PCDHA11: variants seen among roughly 807,000 people sequenced by gnomAD.
The protein encoded by PCDHA11 is protocadherin alpha 11.
PCDHA11 carries 61 observed loss-of-function variants against 70.3 expected under a neutral mutation model. The observed-to-expected ratio is 0.87, with a 90% CI of 0.71 to 1.07. The LOEUF (loss-of-function observed/expected upper bound fraction) is 1.07, where lower values mean the gene tolerates loss of function less well. Among genes scored for constraint, PCDHA11 ranks in the 50% least tolerant of loss-of-function variants. The pLI is 0.00. For synonymous variants in PCDHA11, 633 were observed against 555.1 expected, an observed-to-expected ratio of 1.14 and a Z score of -1.97; for missense variants, 1,324 against 1,237.5, an observed-to-expected ratio of 1.07 and a Z score of -1.05.
intron 1 of PCDHA11, among the ~76,000 whole-genome samples, chr5:140,872,240 T>A (rs2053559781): frequency 6.6e-6 from 1 of 152,178 alleles, no homozygotes; most frequent in Non-Finnish European, 1.5e-5. Flanking sequence ...TTGTCTTTAT[T>A]CCTGTGATAA....
chr5:140,952,416 G>T (rs114343205), intron 1 of PCDHA11, among the ~76,000 whole-genome samples: 1 of 151,730 alleles, frequency 6.6e-6, no homozygotes, highest in Non-Finnish European at 1.5e-5. Context: ...TTAATGTTCC[G>T]CAGATTCCTA....
intron 1 of PCDHA11, among the ~76,000 whole-genome samples, chr5:140,916,285 G>A (rs530335868): frequency 1.2e-4 from 18 of 152,154 alleles, no homozygotes; most frequent in Non-Finnish European, 2.4e-4. Flanking sequence ...TCTACTCCAC[G>A]TGGCCAAACT....
intron 1 of PCDHA11, chr5:140,967,728 G>T: frequency 6.2e-7 from 1 of 1,614,176 alleles, no homozygotes; most frequent in East Asian, 2.2e-5. Context: ...CGAGTAATTG[G>T]GGGGCTGGAT....
At chr5:140,999,244 G>A (rs1554256717) in intron 3 of PCDHA11, among the ~76,000 whole-genome samples, 1 of 152,210 alleles carries the variant, frequency 6.6e-6, no homozygotes, top group African/African-American at 2.4e-5. Flanking sequence ...GTTAAAGTGG[G>A]AGTTGGATTA....
intron 1 of PCDHA11, chr5:140,928,237 C>T: frequency 6.2e-7 from 1 of 1,614,228 alleles, no homozygotes; most frequent in Non-Finnish European, 8.5e-7. Context: ...TCCTCAACCC[C>T]AGCAGGAACT....
chr5:140,955,889 G>A (rs246016), intron 1 of PCDHA11, among the ~76,000 whole-genome samples: 85,633 of 151,918 alleles, frequency 0.56, 24,754 homozygotes, highest in African/African-American at 0.69. Flanking sequence ...ATTCCTAGGT[G>A]TTTTATTCTC....
chr5:140,877,138 C>T (rs2056878695), intron 1 of PCDHA11: 2 of 1,613,636 alleles, frequency 1.2e-6, no homozygotes, highest in Non-Finnish European at 1.7e-6. Flanking sequence ...GGTGTTCGTG[C>T]TGGACGAGAA....
Position 140,982,562 on chromosome 5 carries a change from A to C in PCDHA11, c.2538A>C (p.Pro846=). ...QQWPTVSSAT[P]EPEAGEVSPP... ...GGCCAACAGTATCCAGTGCAACACCAGGTAAAGAGCTGGGGTCTCTCCATT... is the reference window on the plus strand; with the variant it reads ...GGCCAACAGTATCCAGTGCAACACCCGGTAAAGAGCTGGGGTCTCTCCATT... Residue 846 remains proline, a splice_region_variant and synonymous_variant, in exon 3 of 4, where the codon CCA becomes CCC. Coordinates refer to ENST00000398640, the MANE Select transcript of PCDHA11 (RefSeq NM_018902.5). 3 of 1,614,062 alleles carry C rather than the reference A, an allele frequency of 1.9e-6. No individual in the cohort carries two copies. The highest frequency in any genetic ancestry group is 2.5e-6 in the Non-Finnish European group (3 of 1,179,936).
chr5:140,992,381 T>C (rs890804495), intron 3 of PCDHA11, among the ~76,000 whole-genome samples: 5 of 152,200 alleles, frequency 3.3e-5, no homozygotes, highest in Admixed American at 1.3e-4. Context: ...TACATTATTG[T>C]GTTCTGGACT....
intron 3 of PCDHA11, among the ~76,000 whole-genome samples, chr5:140,984,647 G>C (rs1169327185): frequency 6.6e-6 from 1 of 152,102 alleles, no homozygotes; most frequent in Non-Finnish European, 1.5e-5. Flanking sequence ...CCTTCTCCCT[G>C]TCCTTCTGGT....
At chr5:140,900,700 T>C (rs557185787) in intron 1 of PCDHA11, among the ~76,000 whole-genome samples, 1 of 152,352 alleles carries the variant, frequency 6.6e-6, no homozygotes, top group South Asian at 2.1e-4. Context: ...ATTTCCGTTC[T>C]TTTGGAAAGA....
At chr5:140,973,628 T>G (rs1005772685) in intron 1 of PCDHA11, among the ~76,000 whole-genome samples, 13 of 152,250 alleles carry the variant, frequency 8.5e-5, no homozygotes, top group Admixed American at 2.6e-4. Context: ...TTCTGTATCT[T>G]GTACACATTC....
At chr5:140,882,931 G>A in intron 1 of PCDHA11, 1 of 1,614,206 alleles carries the variant, frequency 6.2e-7, no homozygotes. Context: ...GTAAACCCGA[G>A]CTGACTGGCA....
chr5:140,905,980 G>A (rs2072263534), intron 1 of PCDHA11, among the ~76,000 whole-genome samples: 1 of 152,178 alleles, frequency 6.6e-6, no homozygotes, highest in Non-Finnish European at 1.5e-5. Context: ...CAGCATGGGA[G>A]AAAGATGTAG....
In PCDHA11 at chr5:140,882,396, C is replaced by A. The variant is rs1287441519; in HGVS notation, c.2391+10902C>A. 54 of 1,614,078 alleles carry A rather than the reference C, an allele frequency of 3.3e-5. No homozygotes were observed. The highest frequency in any genetic ancestry group is 4.6e-5 in the Non-Finnish European group (54 of 1,180,056). On this transcript the variant is annotated intron_variant, in intron 1 of 3. Transcript: ENST00000398640. The stretch of plus-strand genomic sequence containing the variant: ...GTCCCCGAGGAAGCAAAACACGGCA[C>A]CTTCGTGGGCCGCATCGCTCAGGAC...
rs116346509 is a variant in PCDHA11 at position 140,904,582 on chromosome 5, G to A, written c.2391+33088G>A. ...TTTTTTTCCTCTGGGTAGACACCCA[G>A]TAGTGGGACTGCTGGATCAAATAGT... On this transcript the variant is annotated intron_variant, in intron 1 of 3. Transcript: ENST00000398640. Among the ~76,000 whole-genome samples, 650 of 152,092 alleles carry A rather than the reference G, an allele frequency of 4.3e-3. 5 individuals are homozygous for A. The highest frequency in any genetic ancestry group is 5.5e-3 in the Non-Finnish European group (373 of 67,986).
At chr5:140,877,487 A>C (rs1293347310) in intron 1 of PCDHA11, 1 of 1,613,704 alleles carries the variant, frequency 6.2e-7, no homozygotes, top group African/African-American at 1.3e-5. Context: ...CTGGTGGAGA[A>C]CGGCCAGGCC....
intron 1 of PCDHA11, chr5:140,966,508 A>G (rs1288054154): frequency 9.2e-6 from 4 of 434,452 alleles, no homozygotes; most frequent in African/African-American, 4.1e-5. Context: ...TAGCGGCAGC[A>G]GCAGCAGGAA....
intron 1 of PCDHA11, chr5:140,967,239 G>A: frequency 1.9e-6 from 3 of 1,613,672 alleles, no homozygotes; most frequent in Non-Finnish European, 2.5e-6. Context: ...CTTCAGGTAA[G>A]CGAATCGGTG....
Sources: allele counts gnomAD v4.1 joint callset (sites outside exome capture counted in the v4.1 genomes callset), GRCh38; gene constraint gnomAD v4.1.1; transcripts MANE v1.5; gene names NCBI Gene and HGNC (gene_info 2026-07-23, HGNC 2026-07-21).